CPNE1: variants seen among roughly 807,000 people sequenced by gnomAD.
CPNE1 encodes copine 1.
CPNE1 carries 58 observed loss-of-function variants against 63.2 expected under a neutral mutation model. The observed-to-expected ratio is 0.92, with a 90% CI of 0.74 to 1.14. CPNE1 has a LOEUF of 1.14. CPNE1 is among the 50% of genes most tolerant of loss of function. The probability of loss-of-function intolerance (pLI) is 0.00; values close to 1 mark genes in which losing one functional copy is unlikely to be tolerated. For missense variants in CPNE1, 672 were observed against 661.7 expected (o/e 1.02, Z -0.17); for synonymous variants, 237 against 249.0 (o/e 0.95, Z 0.45).
At chr20:35,643,920 T>C (rs944550634) in intron 1 of CPNE1, among the ~76,000 whole-genome samples, 3 of 152,132 alleles carry the variant, frequency 2.0e-5, no homozygotes, top group African/African-American at 7.2e-5. Context: ...GCCTCCCACT[T>C]TCCCTAAAAG....
Position 35,627,316 on chromosome 20 carries a change from C to A in CPNE1, c.1200G>T (p.Arg400Ser). The part of the protein sequence containing the change: ...NFAPIINHVA[R>S]FAAQAAHQGT... ...CCTGATGTGCAGCCTGGGCTGCAAA[C>A]CTGGCCACATGGTTGATGATGGGTG... Residue 400 changes from arginine (R) to serine (S), a missense_variant, in exon 14 of 16, where the codon AGG (arginine) becomes AGT (serine). Arg to Ser is a moderately radical substitution (Grantham distance 110). Coordinates refer to ENST00000397443, the MANE Select transcript of CPNE1 (RefSeq NM_152925.3). 6.2e-7 allele frequency: 1 copy of A among 1,607,860 alleles called. No individual in the cohort carries two copies. Among genetic ancestry groups the A allele is most frequent in the Non-Finnish European group, 8.5e-7 (1 of 1,175,976 alleles).
intron 1 of CPNE1, chr20:35,654,058 G>C: frequency 6.2e-7 from 1 of 1,614,192 alleles, no homozygotes; most frequent in Non-Finnish European, 8.5e-7. Flanking sequence ...TGGTGATCTT[G>C]ACCTTGATCT....
chr20:35,659,806 T>C (rs1439434494), intron 1 of CPNE1, among the ~76,000 whole-genome samples: 6 of 152,232 alleles, frequency 3.9e-5, no homozygotes, highest in South Asian at 2.1e-4. Context: ...CAAGCATATA[T>C]GACCAAATGT....
Position 35,654,569 on chromosome 20 carries a change from C to T in CPNE1, c.-1+10191G>A, listed in dbSNP as rs754174794. Reference sequence around the variant, plus strand: ...TTCATTCCAGCAGGTAGAGGTGCCACAGGTGGCGGATTCAAGGGCGGCATG... The same window carrying T: ...TTCATTCCAGCAGGTAGAGGTGCCATAGGTGGCGGATTCAAGGGCGGCATG... On this transcript the variant is annotated intron_variant, in intron 1 of 15. Coordinates refer to ENST00000397443, the MANE Select transcript of CPNE1 (RefSeq NM_152925.3). 5.6e-6 allele frequency: 9 copies of T among 1,614,086 alleles called. No homozygotes were observed. The East Asian group carries it at 2.0e-4, about 36-fold the overall frequency.
chr20:35,630,602 G>T, intron 12 of CPNE1, 112 bp from the exon 13 acceptor site: 1 of 1,446,628 alleles, frequency 6.9e-7, no homozygotes, highest in Non-Finnish European at 9.7e-7. Flanking sequence ...CTGAGCACTT[G>T]CTGTCTACGT....
intron 1 of CPNE1, chr20:35,653,639 G>A: frequency 6.2e-7 from 1 of 1,614,174 alleles, no homozygotes; most frequent in Non-Finnish European, 8.5e-7. Flanking sequence ...TCTAGGAACT[G>A]AAGAACATCC....
At chr20:35,639,214 G>T (rs1007898837) in intron 1 of CPNE1, among the ~76,000 whole-genome samples, 1 of 152,190 alleles carries the variant, frequency 6.6e-6, no homozygotes, top group Non-Finnish European at 1.5e-5. Flanking sequence ...AAAATAAAAG[G>T]AGTTGTTGAA....
At chr20:35,653,477 C>T (rs1426942142) in intron 1 of CPNE1, 1 of 1,614,094 alleles carries the variant, frequency 6.2e-7, no homozygotes, top group Non-Finnish European at 8.5e-7. Flanking sequence ...ACTACATGAA[C>T]AAAAGCTTCT....
chr20:35,639,208 TA>T (rs1211079777), intron 1 of CPNE1, among the ~76,000 whole-genome samples: 2 of 151,900 alleles, frequency 1.3e-5, no homozygotes, highest in Admixed American at 6.6e-5. Flanking sequence ...CACCAAAAAA[TA>T]AAAGGAGTTG....
At chr20:35,658,140 A>G (rs1025773610) in intron 1 of CPNE1, among the ~76,000 whole-genome samples, 6 of 152,206 alleles carry the variant, frequency 3.9e-5, no homozygotes, top group Non-Finnish European at 8.8e-5. Flanking sequence ...TTGACAGCTA[A>G]GTCATTTCAA....
At chr20:35,655,406 T>G in intron 1 of CPNE1, 1 of 1,379,290 alleles carries the variant, frequency 7.3e-7, no homozygotes, top group Non-Finnish European at 9.8e-7. Flanking sequence ...AGTTTTTAGC[T>G]ACAAGAATGA....
chr20:35,652,975 G>A (rs775097381), intron 1 of CPNE1: 16 of 1,613,642 alleles, frequency 9.9e-6, no homozygotes, highest in South Asian at 2.2e-5. Flanking sequence ...TCCAAATCCC[G>A]ATGGCCCACT....
intron 1 of CPNE1, among the ~76,000 whole-genome samples, chr20:35,640,925 C>T (rs2032764533): frequency 6.6e-6 from 1 of 152,168 alleles, no homozygotes; most frequent in Non-Finnish European, 1.5e-5. Flanking sequence ...GTCCCCACCC[C>T]CTGACCCTTC....
chr20:35,647,085 T>C lies in CPNE1; in HGVS notation c.1-14162A>G, dbSNP rs557554535. 9.5e-4 allele frequency among the ~76,000 whole-genome samples: 144 copies of C among 151,228 alleles called. 1 individual carries two copies. The highest frequency in any genetic ancestry group is 1.4e-3 in the Non-Finnish European group (96 of 67,742). On this transcript the variant is annotated intron_variant, in intron 1 of 15. Coordinates refer to ENST00000397443, the MANE Select transcript of CPNE1 (RefSeq NM_152925.3). ...CAGCACTTTGGGAGGCTGAGGTGGG[T>C]GGATCACCTGAGGTCAGGAGTTCGA...
Position 35,627,277 on chromosome 20 carries a change from C to A in CPNE1, c.1236+3G>T. ...CACTGCCACTGCCACCCACGACTCT[C>A]ACCGAGGCAGTCCCCTGATGTGCAG... On this transcript the variant is annotated splice_donor_region_variant and intron_variant, in intron 14 of 15. Coordinates refer to ENST00000397443, the MANE Select transcript of CPNE1 (RefSeq NM_152925.3). The A allele has an allele frequency of 6.2e-7, 1 of 1,611,932 alleles. No individual in the cohort carries two copies. Among genetic ancestry groups the A allele is most frequent in the South Asian group, 1.1e-5 (1 of 90,988 alleles).
At chr20:35,649,442 CT>C (rs2033347058) in intron 1 of CPNE1, 1 of 152,468 alleles carries the variant, frequency 6.6e-6, no homozygotes, top group South Asian at 2.1e-4. Flanking sequence ...TGGGTTAAGA[CT>C]GGCCTTAACT....
At chr20:35,662,069 G>A (rs185583044) in intron 1 of CPNE1, among the ~76,000 whole-genome samples, 155 of 152,196 alleles carry the variant, frequency 1.0e-3, no homozygotes, top group African/African-American at 3.4e-3. Context: ...ATCAAAGTCT[G>A]GGATCACTCT....
chr20:35,649,393 T>TTTA (rs2033343942), intron 1 of CPNE1: 3 of 152,252 alleles, frequency 2.0e-5, no homozygotes, highest in African/African-American at 7.2e-5. Context: ...AAAAATGTAA[T>TTTA]GTTTGCTTAC....
intron 1 of CPNE1, chr20:35,654,260 C>A (rs745353728): frequency 6.2e-7 from 1 of 1,614,176 alleles, no homozygotes; most frequent in East Asian, 2.2e-5. Flanking sequence ...TCAAATGTAT[C>A]TTGAGGGGAG....
Sources: allele counts gnomAD v4.1 joint callset (sites outside exome capture counted in the v4.1 genomes callset), GRCh38; gene constraint gnomAD v4.1.1; transcripts MANE v1.5; gene names NCBI Gene and HGNC (gene_info 2026-07-23, HGNC 2026-07-21).